LUZP2: variants seen among roughly 807,000 people sequenced by gnomAD.
LUZP2 encodes leucine zipper protein 2.
In LUZP2, 52 loss-of-function variants were observed where a neutral mutation model predicts 51.6. The ratio of observed to expected loss-of-function variants is 1.01; its 90% CI spans 0.81 to 1.27. LUZP2 has a LOEUF of 1.27. LUZP2 is among the 50% of genes most tolerant of loss of function. The probability of loss-of-function intolerance (pLI) is 0.00; values close to 1 mark genes in which losing one functional copy is unlikely to be tolerated. For missense variants in LUZP2, 436 were observed against 395.4 expected (o/e 1.10, Z -0.87); for synonymous variants, 154 against 137.3 (o/e 1.12, Z -0.85).
intron 4 of LUZP2, among the ~76,000 whole-genome samples, chr11:24,741,129 C>G (rs17307110): frequency 0.24 from 35,820 of 151,912 alleles, 4,425 homozygotes; most frequent in Middle Eastern, 0.31. Flanking sequence ...ATTTACATTA[C>G]TATTCAAAAT....
At chr11:24,993,736 C>T (rs1237014861) in intron 9 of LUZP2, among the ~76,000 whole-genome samples, 1 of 151,904 alleles carries the variant, frequency 6.6e-6, no homozygotes, top group Non-Finnish European at 1.5e-5. Flanking sequence ...TAAGCTGTGT[C>T]TTTGTGCAAA....
chr11:24,734,507 A>G (rs966874364), intron 3 of LUZP2, among the ~76,000 whole-genome samples: 1 of 151,908 alleles, frequency 6.6e-6, no homozygotes. Flanking sequence ...TTACTAATTC[A>G]TAGTTTTATC....
chr11:25,014,627 T>C (rs1412343578), intron 9 of LUZP2, among the ~76,000 whole-genome samples: 2 of 152,136 alleles, frequency 1.3e-5, no homozygotes, highest in Non-Finnish European at 2.9e-5. Flanking sequence ...TTTGTTAGAG[T>C]TCATTGTAGA....
Position 24,625,426 on chromosome 11 carries a change from C to T in LUZP2, c.63-103743C>T, listed in dbSNP as rs1186635603. Among the ~76,000 whole-genome samples, 3 of 151,526 alleles carry T rather than the reference C, an allele frequency of 2.0e-5. 1 individual carries two copies. The highest frequency in any genetic ancestry group is 1.3e-4 in the Admixed American group (2 of 15,180). ...GCAGAGAAGAGAAATAAAGAAAATG[C>T]TAACTATATAAGGTGAAAAATATGT... On this transcript the variant is annotated intron_variant, in intron 1 of 11. Transcript: ENST00000336930.
At chr11:24,542,825 C>T (rs376469800) in intron 1 of LUZP2, among the ~76,000 whole-genome samples, 115 of 151,522 alleles carry the variant, frequency 7.6e-4, no homozygotes, top group Non-Finnish European at 1.4e-3. Flanking sequence ...TATGTATCAG[C>T]GACACTTCAG....
intron 10 of LUZP2, among the ~76,000 whole-genome samples, chr11:25,065,060 T>A (rs796736905): frequency 2.0e-5 from 3 of 152,152 alleles, no homozygotes; most frequent in African/African-American, 7.2e-5. Context: ...TGTTCTGACT[T>A]CCTACAAAAC....
At chr11:24,518,781 G>T (rs1850554970) in intron 1 of LUZP2, among the ~76,000 whole-genome samples, 1 of 152,188 alleles carries the variant, frequency 6.6e-6, no homozygotes, top group East Asian at 1.9e-4. Flanking sequence ...TTTGCAAACT[G>T]GGAAGACTGC....
chr11:24,977,361 AAC>A (rs925625018), intron 8 of LUZP2, among the ~76,000 whole-genome samples: 2 of 151,692 alleles, frequency 1.3e-5, no homozygotes, highest in African/African-American at 4.8e-5. Flanking sequence ...AAATACACAA[AAC>A]ACATTTTTAA....
chr11:24,610,704 G>T (rs1854089497), intron 1 of LUZP2, among the ~76,000 whole-genome samples: 1 of 152,166 alleles, frequency 6.6e-6, no homozygotes, highest in Admixed American at 6.5e-5. Context: ...CCAGCACTTT[G>T]GGAGGGTGAG....
At chr11:24,825,051 C>T (rs1322168783) in intron 5 of LUZP2, among the ~76,000 whole-genome samples, 2 of 151,864 alleles carry the variant, frequency 1.3e-5, no homozygotes, top group African/African-American at 4.8e-5. Flanking sequence ...TTTGTGTACA[C>T]AAATGTGTGT....
chr11:25,077,526 G>GCAAGAC, intron 11 of LUZP2, 120 bp downstream of exon 11: 2 of 300,220 alleles, frequency 6.7e-6, no homozygotes, highest in Non-Finnish European at 5.2e-6. Context: ...TTGAGACAGA[G>GCAAGAC]TCTTGCTCTA....
chr11:24,817,825 A>G (rs1360524064), intron 5 of LUZP2, among the ~76,000 whole-genome samples: 1 of 151,972 alleles, frequency 6.6e-6, no homozygotes, highest in Non-Finnish European at 1.5e-5. Context: ...AATTTCTTGT[A>G]CCAGTTATTT....
At chr11:25,042,281 T>A (rs998814093) in intron 9 of LUZP2, among the ~76,000 whole-genome samples, 1 of 152,156 alleles carries the variant, frequency 6.6e-6, no homozygotes, top group Non-Finnish European at 1.5e-5. Context: ...TTCTTGATTT[T>A]ATAATTATCC....
chr11:24,507,078 A>T (rs553745317), intron 1 of LUZP2, among the ~76,000 whole-genome samples: 33 of 152,248 alleles, frequency 2.2e-4, no homozygotes, highest in Middle Eastern at 3.4e-3. Flanking sequence ...TATTATAAAT[A>T]CAAAAGTTTG....
chr11:24,694,555 G>C (rs1193535610), intron 1 of LUZP2, among the ~76,000 whole-genome samples: 2 of 152,176 alleles, frequency 1.3e-5, no homozygotes, highest in East Asian at 3.9e-4. Flanking sequence ...ATTTGACCCA[G>C]CAATCCCATT....
chr11:24,698,556 C>T (rs73437120), intron 1 of LUZP2, among the ~76,000 whole-genome samples: 1,949 of 152,268 alleles, frequency 0.013, 51 homozygotes, highest in African/African-American at 0.045. Flanking sequence ...TGGCTCTTGT[C>T]TGCAATGATT....
intron 10 of LUZP2, among the ~76,000 whole-genome samples, chr11:25,069,497 A>G (rs1037923238): frequency 2.0e-5 from 3 of 151,878 alleles, no homozygotes; most frequent in African/African-American, 7.2e-5. Flanking sequence ...AACCCCAGCT[A>G]CACGTACAAC....
At chr11:24,849,289 C>A (rs772064461) in intron 5 of LUZP2, among the ~76,000 whole-genome samples, 14 of 152,106 alleles carry the variant, frequency 9.2e-5, no homozygotes, top group Non-Finnish European at 1.8e-4. Context: ...TAGCCCTCTA[C>A]CTATCAACAG....
intron 7 of LUZP2, among the ~76,000 whole-genome samples, chr11:24,927,837 A>G (rs990215836): frequency 6.6e-6 from 1 of 152,060 alleles, no homozygotes; most frequent in Non-Finnish European, 1.5e-5. Context: ...TGGTATGGTC[A>G]TTATCACGAT....
Sources: allele counts gnomAD v4.1 joint callset (sites outside exome capture counted in the v4.1 genomes callset), GRCh38; gene constraint gnomAD v4.1.1; transcripts MANE v1.5; gene names NCBI Gene and HGNC (gene_info 2026-07-23, HGNC 2026-07-21).